SH2B2: variants seen among roughly 807,000 people sequenced by gnomAD.
SH2B2 encodes the protein SH2B adapter protein 2.
In SH2B2, 37 loss-of-function variants were observed where a neutral mutation model predicts 35.7. The ratio of observed to expected loss-of-function variants is 1.04; its 90% CI spans 0.80 to 1.36. The LOEUF is 1.36. SH2B2 is among the 40% of genes most tolerant of loss of function. The pLI is 0.00. For missense variants in SH2B2, 852 were observed against 817.7 expected (o/e 1.04, Z -0.51); for synonymous variants, 383 against 376.4 (o/e 1.02, Z -0.20).
rs534895730 is a variant in SH2B2 at position 102,321,424 on chromosome 7, G to C, written c.1693G>C (p.Gly565Arg). 5.3e-6 allele frequency: 7 copies of C among 1,323,606 alleles called. No individual in the cohort carries two copies. Among genetic ancestry groups the C allele is most frequent in the Non-Finnish European group, 6.8e-6 (7 of 1,034,802 alleles). 82.0% of individuals were successfully genotyped at this position (1,323,606 alleles called of 1,614,324 possible). The change falls in exon 9 of 9, where the codon GGC becomes CGC. Residue 565 changes from glycine (G) to arginine (R), a missense_variant. By Grantham distance (125) the Gly-to-Arg change is moderately radical (BLOSUM62 -2). Around this residue, in one of 3 missense-constraint regions of SH2B2, gnomAD observed 556 missense variants for 514.5 expected, o/e 1.08. Transcript: ENST00000444095. The stretch of plus-strand genomic sequence containing the variant: ...GCCTGCCTCGCCCTCCGACGCCGCC[G>C]GCGCCTCCTCGTCTTCCGCCTCGTC... ...CPPASPSDAAGASSSSASSSS... is the reference protein window; with the variant it reads ...CPPASPSDAARASSSSASSSS...
chr7:102,294,384 G>C (rs1792820959), intron 1 of SH2B2, among the ~76,000 whole-genome samples: 1 of 152,198 alleles, frequency 6.6e-6, no homozygotes, highest in Non-Finnish European at 1.5e-5. Flanking sequence ...AGTCGGAAGA[G>C]CAAAGTCCCT....
intron 4 of SH2B2, among the ~76,000 whole-genome samples, 183 bp from the exon 5 acceptor site, chr7:102,314,153 C>T (rs980298953): frequency 2.0e-5 from 3 of 152,254 alleles, no homozygotes; most frequent in African/African-American, 7.2e-5. Flanking sequence ...GTCAATCACA[C>T]GGTGGCCACA....
chr7:102,321,069 C>G (rs1554558374), intron 8 of SH2B2, among the ~76,000 whole-genome samples: 1 of 152,142 alleles, frequency 6.6e-6, no homozygotes, highest in Admixed American at 6.5e-5. Flanking sequence ...CGTGTGTGTG[C>G]ACTCCTGTGC....
chr7:102,317,447 G>A (rs568875313), intron 7 of SH2B2, 52 bp downstream of exon 7: 2 of 1,464,714 alleles, frequency 1.4e-6, no homozygotes, highest in Admixed American at 4.6e-5. Flanking sequence ...CTGAGGGAGA[G>A]GGGTCATGGT....
At chr7:102,294,597 GTCTT>G (rs1792828302) in intron 1 of SH2B2, among the ~76,000 whole-genome samples, 1 of 152,118 alleles carries the variant, frequency 6.6e-6, no homozygotes, top group Non-Finnish European at 1.5e-5. Flanking sequence ...ACGGGGTCAC[GTCTT>G]GAGCCCAGGT....
At chr7:102,295,326 G>A (rs1446214518) in intron 1 of SH2B2, among the ~76,000 whole-genome samples, 6 of 152,164 alleles carry the variant, frequency 3.9e-5, no homozygotes, top group Non-Finnish European at 8.8e-5. Context: ...GAGAGAGGTG[G>A]CCACCGTCAG....
intron 7 of SH2B2, 126 bp from the exon 8 acceptor site, chr7:102,320,205 G>A: frequency 1.3e-6 from 1 of 775,920 alleles, no homozygotes; most frequent in South Asian, 1.7e-5. Flanking sequence ...TGTGTGAGGG[G>A]CCCCCGGCCC....
intron 2 of SH2B2, among the ~76,000 whole-genome samples, chr7:102,302,573 C>T (rs1439673152): frequency 1.3e-5 from 2 of 152,262 alleles, no homozygotes; most frequent in Non-Finnish European, 2.9e-5. Flanking sequence ...TGCCCACCCT[C>T]TGAGAGCCCA....
intron 7 of SH2B2, among the ~76,000 whole-genome samples, chr7:102,319,539 A>G (rs1793975952): frequency 6.6e-6 from 1 of 152,084 alleles, no homozygotes; most frequent in African/African-American, 2.4e-5. Context: ...CACACCTAGC[A>G]GATTGTCTGT....
intron 1 of SH2B2, among the ~76,000 whole-genome samples, chr7:102,290,507 C>T (rs188753984): frequency 3.9e-5 from 6 of 152,222 alleles, no homozygotes; most frequent in Admixed American, 2.6e-4. Context: ...TCAAGTGATC[C>T]GCCCTCCTCG....
chr7:102,300,712 G>C lies in SH2B2; in HGVS notation c.162G>C (p.Thr54=). ...RFLRDNPAYD[T]PDAGASFSRH... is the part of the protein sequence containing the mutation. Reference sequence around the variant, plus strand: ...TGCGGGACAACCCAGCTTACGACACGCCCGACGCCGGCGCCTCCTTCTCCC... The same window carrying C: ...TGCGGGACAACCCAGCTTACGACACCCCCGACGCCGGCGCCTCCTTCTCCC... Residue 54 remains threonine (T), a synonymous_variant, in exon 2 of 9, where the codon ACG becomes ACC. Transcript: ENST00000444095. 2 of 1,536,150 alleles carry C rather than the reference G, an allele frequency of 1.3e-6. No homozygotes were observed. Among genetic ancestry groups the C allele is most frequent in the Non-Finnish European group, 1.8e-6 (2 of 1,137,814 alleles).
intron 1 of SH2B2, 92 bp from the exon 2 acceptor site, chr7:102,300,430 C>T: frequency 7.1e-7 from 1 of 1,415,712 alleles, no homozygotes; most frequent in South Asian, 1.5e-5. Context: ...ACCCACACAG[C>T]CCCAGAGAGT....
upstream of SH2B2, among the ~76,000 whole-genome samples, chr7:102,286,238 T>G (rs1792442262): frequency 6.6e-6 from 1 of 152,174 alleles, no homozygotes; most frequent in Non-Finnish European, 1.5e-5. Flanking sequence ...TCCCGCCCTG[T>G]GGCCCGGGGG....
In SH2B2 at chr7:102,288,444, C is replaced by T. The variant is rs1266159882; in HGVS notation, c.-30+1350C>T. Among the ~76,000 whole-genome samples the T allele has an allele frequency of 3.3e-5, 5 of 152,072 alleles. No individual in the cohort carries two copies. In the South Asian group the frequency reaches 1.0e-3, roughly 32 times the overall value. On this transcript the variant is annotated intron_variant, in intron 1 of 8. Coordinates refer to ENST00000444095, the MANE Select transcript of SH2B2 (RefSeq NM_001359228.2). ...CCAACATACAAGAACAGCCCCACCCCGTGGCAGGCCGGCTTCTGATGCTGC... is the reference window on the plus strand; with the variant it reads ...CCAACATACAAGAACAGCCCCACCCTGTGGCAGGCCGGCTTCTGATGCTGC...
upstream of SH2B2, among the ~76,000 whole-genome samples, chr7:102,286,309 G>A (rs937912033): frequency 6.6e-6 from 1 of 152,318 alleles, no homozygotes; most frequent in Non-Finnish European, 1.5e-5. Flanking sequence ...AGATTTATGA[G>A]AACCAGGCGT....
At chr7:102,313,221 C>T (rs1269526803) in intron 4 of SH2B2, among the ~76,000 whole-genome samples, 1 of 148,364 alleles carries the variant, frequency 6.7e-6, no homozygotes, top group Non-Finnish European at 1.5e-5. Context: ...CCAAGGCGGG[C>T]AGATCACCAG....
upstream of SH2B2, chr7:102,285,200 G>A (rs1554550635): frequency 6.4e-7 from 1 of 1,551,252 alleles, no homozygotes; most frequent in East Asian, 2.4e-5. Context: ...TCCCATCTCA[G>A]GACCCTCTCT....
In SH2B2 at chr7:102,314,353, C is replaced by A; in HGVS notation, c.941C>A (p.Thr314Asn). 2.5e-6 allele frequency: 1 copy of A among 398,690 alleles called. No homozygotes were observed. Among genetic ancestry groups the A allele is most frequent in the Non-Finnish European group, 4.4e-6 (1 of 226,116 alleles). 24.7% of individuals were successfully genotyped at this position (398,690 alleles called of 1,614,324 possible). The change falls in exon 5 of 9, where the codon ACC becomes AAC. Residue 314 changes from threonine to asparagine, a missense_variant. Physicochemically the swap from Thr to Asn is moderately conservative, Grantham distance 65. Around this residue, in one of 3 missense-constraint regions of SH2B2, gnomAD observed 556 missense variants for 514.5 expected, o/e 1.08. Coordinates refer to ENST00000444095, the MANE Select transcript of SH2B2 (RefSeq NM_001359228.2). ...CVDPGDSEED[T>N]ELSCTRGGCL... is the part of the protein sequence containing the mutation. ...CTCCACAGTGACAGTGAGGAAGACA[C>A]CGAGCTCTCCTGTACCCGAGGAGGC...
At chr7:102,299,443 C>T (rs150685418) in intron 1 of SH2B2, among the ~76,000 whole-genome samples, 74 of 151,680 alleles carry the variant, frequency 4.9e-4, no homozygotes, top group African/African-American at 1.5e-3. Context: ...CTGATCCACC[C>T]GCCTCGGCCT....
Sources: allele counts gnomAD v4.1 joint callset (sites outside exome capture counted in the v4.1 genomes callset), GRCh38; gene constraint gnomAD v4.1.1; regional missense constraint gnomAD v4.1.1; transcripts MANE v1.5; gene names NCBI Gene and HGNC (gene_info 2026-07-23, HGNC 2026-07-21).